The following SDCCAG8 variants were observed in gnomAD, a reference collection of about 807,000 sequenced individuals.
SDCCAG8 encodes the protein serologically defined colon cancer antigen 8.
SDCCAG8 carries 74 observed loss-of-function variants against 101.8 expected under a neutral mutation model. That is an observed-to-expected ratio of 0.73 (90% CI 0.60 to 0.88). The LOEUF (loss-of-function observed/expected upper bound fraction) is 0.88. SDCCAG8 is among the 40% of genes least tolerant of loss of function. SDCCAG8 has a pLI of 0.00. For synonymous variants in SDCCAG8, 281 were observed against 292.9 expected (o/e 0.96, Z 0.41); for missense variants, 787 against 822.6 (o/e 0.96, Z 0.53).
In SDCCAG8 at chr1:243,274,564, A is replaced by G. The variant is rs1448996546; in HGVS notation, c.328A>G (p.Thr110Ala). Residue 110 changes from threonine to alanine, a missense_variant, in exon 4 of 18, where the codon ACC becomes GCC. Thr to Ala is a moderately conservative substitution (Grantham distance 58, BLOSUM62 0). Transcript: ENST00000366541. ...ATAGAGGTCATTAGAACATGAGGAAACCAATATGCCTACTATGCACGACCT... is the reference window on the plus strand; with the variant it reads ...ATAGAGGTCATTAGAACATGAGGAAGCCAATATGCCTACTATGCACGACCT... ...SPLRSLEHEE[T>A]NMPTMHDLVH... The G allele has an allele frequency of 6.2e-7, 1 of 1,601,430 alleles. No homozygotes were observed. Among genetic ancestry groups the G allele is most frequent in the Admixed American group, 1.7e-5 (1 of 59,978 alleles).
intron 6 of SDCCAG8, among the ~76,000 whole-genome samples, chr1:243,293,900 C>T (rs1170468610): frequency 3.3e-5 from 5 of 152,128 alleles, no homozygotes; most frequent in African/African-American, 9.7e-5. Context: ...TTCATCAATT[C>T]GTTTTTCTAC....
Position 243,500,016 on chromosome 1 carries a change from G to C in SDCCAG8, c.*231G>C. Reference sequence around the variant, plus strand: ...TGGTGTATGTTTTCAGAAATGGCTTGAAGTTATGTGTTTAAATCTGCTCAT... The same window carrying C: ...TGGTGTATGTTTTCAGAAATGGCTTCAAGTTATGTGTTTAAATCTGCTCAT... On this transcript the variant is annotated 3_prime_UTR_variant, in exon 18 of 18. Coordinates refer to ENST00000366541, the MANE Select transcript of SDCCAG8 (RefSeq NM_006642.5). The C allele has an allele frequency of 1.7e-6, 1 of 583,086 alleles. No homozygotes were observed. Among genetic ancestry groups the C allele is most frequent in the South Asian group, 2.2e-5 (1 of 45,514 alleles). The allele number at this position is 583,086 out of a possible 1,614,324, so 36.1% of individuals were successfully genotyped here.
chr1:243,443,463 G>A (rs2082682627), intron 16 of SDCCAG8, among the ~76,000 whole-genome samples: 1 of 152,112 alleles, frequency 6.6e-6, no homozygotes, highest in Non-Finnish European at 1.5e-5. Flanking sequence ...TAGGATGGGG[G>A]CCATGTGCAC....
intron 15 of SDCCAG8, 106 bp from the exon 16 acceptor site, chr1:243,426,321 T>C: frequency 1.0e-6 from 1 of 969,800 alleles, no homozygotes; most frequent in East Asian, 2.6e-5. Flanking sequence ...CATTATGCTA[T>C]CATGTTTAAG....
chr1:243,355,383 A>G (rs1270311103), intron 12 of SDCCAG8, among the ~76,000 whole-genome samples: 1 of 151,878 alleles, frequency 6.6e-6, no homozygotes, highest in African/African-American at 2.4e-5. Flanking sequence ...TTATACAAGT[A>G]GTAGTATTAG....
At chr1:243,464,668 GACTA>G (rs1166941028) in intron 16 of SDCCAG8, among the ~76,000 whole-genome samples, 1 of 152,212 alleles carries the variant, frequency 6.6e-6, no homozygotes, top group Non-Finnish European at 1.5e-5. Flanking sequence ...AGCCTTCGCA[GACTA>G]ACTAAGCTGC....
At chr1:243,324,545 C>T (rs534979098) in intron 9 of SDCCAG8, among the ~76,000 whole-genome samples, 9 of 141,742 alleles carry the variant, frequency 6.3e-5, no homozygotes, top group East Asian at 2.2e-4. Flanking sequence ...TACAGCCTTG[C>T]ACTCCTGAGC....
chr1:243,468,491 T>C lies in SDCCAG8; in HGVS notation c.1986-20523T>C, dbSNP rs980571800. ...CCTCAGCCTCCCAAAGTCCTGGGAT[T>C]ACAGGCATGAGCCACCGTACCTGGC... On this transcript the variant is annotated intron_variant, in intron 16 of 17. Coordinates refer to ENST00000366541, the MANE Select transcript of SDCCAG8 (RefSeq NM_006642.5). Among the ~76,000 whole-genome samples, 7 of 152,340 alleles carry C rather than the reference T, an allele frequency of 4.6e-5. No individual in the cohort carries two copies. In the South Asian group the frequency reaches 1.4e-3, roughly 32 times the overall value.
At chr1:243,471,233 C>A (rs1432939231) in intron 16 of SDCCAG8, among the ~76,000 whole-genome samples, 1 of 152,126 alleles carries the variant, frequency 6.6e-6, no homozygotes, top group Admixed American at 6.5e-5. Flanking sequence ...TGAGCTCTCT[C>A]TAAATGGCTT....
intron 12 of SDCCAG8, among the ~76,000 whole-genome samples, chr1:243,366,310 A>G (rs1331801188): frequency 6.6e-6 from 1 of 151,832 alleles, no homozygotes; most frequent in Non-Finnish European, 1.5e-5. Context: ...TGTGGTTTTT[A>G]TATTTAGTCT....
At chr1:243,485,887 G>A (rs1384424215) in intron 16 of SDCCAG8, among the ~76,000 whole-genome samples, 2 of 131,896 alleles carry the variant, frequency 1.5e-5, no homozygotes, top group East Asian at 2.3e-4. Flanking sequence ...GCAAGACTTC[G>A]TATCAAGAAA....
chr1:243,429,695 ATT>A (rs796450909), intron 16 of SDCCAG8, among the ~76,000 whole-genome samples: 13,317 of 91,986 alleles, frequency 0.14, 366 homozygotes, highest in African/African-American at 0.15. Flanking sequence ...TGCTCTGCTA[ATT>A]TTTTTTTTTT....
chr1:243,403,592 T>A (rs1275504536), intron 13 of SDCCAG8, among the ~76,000 whole-genome samples: 4 of 151,996 alleles, frequency 2.6e-5, no homozygotes, highest in Non-Finnish European at 5.9e-5. Flanking sequence ...AGAGCAGGAG[T>A]TCCCAACTCG....
intron 1 of SDCCAG8, chr1:243,267,284 A>C (rs1191161155): frequency 4.7e-6 from 1 of 211,142 alleles, no homozygotes; most frequent in African/African-American, 2.4e-5. Context: ...AATTCCAGGA[A>C]TCTTATGGAT....
intron 7 of SDCCAG8, chr1:243,306,072 G>A (rs2149316815): frequency 7.1e-6 from 1 of 139,900 alleles, no homozygotes. Flanking sequence ...GGTGACAGAG[G>A]GAGACTCCAT....
At chr1:243,419,769 A>T (rs1302538051) in intron 15 of SDCCAG8, among the ~76,000 whole-genome samples, 1 of 152,218 alleles carries the variant, frequency 6.6e-6, no homozygotes. Context: ...AAGCCACAGT[A>T]GTTATGATGA....
chr1:243,473,910 G>A (rs995409127), intron 16 of SDCCAG8, among the ~76,000 whole-genome samples: 1 of 101,028 alleles, frequency 9.9e-6, no homozygotes, highest in Non-Finnish European at 2.1e-5. Flanking sequence ...GTTATTGGAG[G>A]AGAGTTGCCG....
At chr1:243,272,670 C>G (rs1319475854) in intron 3 of SDCCAG8, among the ~76,000 whole-genome samples, 1 of 152,154 alleles carries the variant, frequency 6.6e-6, no homozygotes, top group Admixed American at 6.5e-5. Context: ...CAGTTTAGTA[C>G]ATACAGAGTG....
intron 5 of SDCCAG8, among the ~76,000 whole-genome samples, chr1:243,287,414 GT>G (rs201478217): frequency 1.5e-3 from 219 of 141,544 alleles, no homozygotes; most frequent in East Asian, 2.4e-3. Context: ...CGTTTTTGAA[GT>G]TTTTTTTTTT....
Sources: allele counts gnomAD v4.1 joint callset (sites outside exome capture counted in the v4.1 genomes callset), GRCh38; gene constraint gnomAD v4.1.1; transcripts MANE v1.5; gene names NCBI Gene and HGNC (gene_info 2026-07-23, HGNC 2026-07-21).